GRIP1: variants seen among roughly 807,000 people sequenced by gnomAD.
The protein encoded by GRIP1 is glutamate receptor interacting protein 1, also known as glutamate receptor-interacting protein 1.
Under a neutral mutation model 129.9 loss-of-function variants are expected in GRIP1, and 45 were observed. The observed-to-expected ratio is 0.35, with a 90% confidence interval of 0.27 to 0.44. GRIP1 has a LOEUF of 0.44. Ranked by LOEUF, GRIP1 falls within the 20% of genes least tolerant of loss-of-function variation. The pLI is 1.00. For missense variants in GRIP1, 1,196 were observed against 1,396.8 expected (o/e 0.86, Z 2.29); for synonymous variants, 530 against 520.8 (o/e 1.02, Z -0.24).
At chr12:66,691,599 C>T (rs1459241640) in intron 1 of GRIP1, among the ~76,000 whole-genome samples, 1 of 152,156 alleles carries the variant, frequency 6.6e-6, no homozygotes. Context: ...ATGCCCTTGT[C>T]CACTCATTCT....
At chr12:67,040,225 C>T (rs539793903) in intron 1 of GRIP1, among the ~76,000 whole-genome samples, 1 of 129,482 alleles carries the variant, frequency 7.7e-6, no homozygotes, top group Non-Finnish European at 1.8e-5. Flanking sequence ...CCCCACCCCC[C>T]CAGCAAAGTG....
intron 1 of GRIP1, among the ~76,000 whole-genome samples, chr12:66,672,911 GT>G (rs1222516896): frequency 4.6e-5 from 7 of 152,178 alleles, no homozygotes; most frequent in African/African-American, 1.7e-4. Flanking sequence ...GGGAAATTCA[GT>G]TTTTTTGTTT....
chr12:66,703,074 A>C (rs2035405431), intron 1 of GRIP1, among the ~76,000 whole-genome samples: 1 of 152,138 alleles, frequency 6.6e-6, no homozygotes, highest in Admixed American at 6.6e-5. Context: ...ACATTGCTTG[A>C]AGCACAGAGA....
rs1480508283 is a variant in GRIP1 at position 66,348,346 on chromosome 12, AAAAC to A, written c.*669_*672del. On this transcript the variant is annotated 3_prime_UTR_variant, in exon 25 of 25. Coordinates refer to ENST00000359742, the MANE Select transcript of GRIP1 (RefSeq NM_001366722.1). ...CTATTAAAAATGTGTCCTTAAAAAA[AAAAC>A]AGGTCACAAGACATATCCTGTTTGA... 1 of 151,916 alleles carries A rather than the reference AAAAC, an allele frequency of 6.6e-6. No individual in the cohort carries two copies. Among genetic ancestry groups the A allele is most frequent in the Non-Finnish European group, 1.5e-5 (1 of 68,078 alleles). The allele number at this position is 151,916 out of a possible 1,614,324, so 9.4% of individuals were successfully genotyped here.
intron 1 of GRIP1, among the ~76,000 whole-genome samples, chr12:66,613,051 T>C (rs34512292): frequency 0.046 from 6,978 of 152,232 alleles, 318 homozygotes; most frequent in African/African-American, 0.12. Context: ...CTTAAAAGCA[T>C]AGTTAAATAA....
At chr12:66,883,642 G>A (rs1394490747) in intron 1 of GRIP1, among the ~76,000 whole-genome samples, 2 of 152,172 alleles carry the variant, frequency 1.3e-5, no homozygotes, top group African/African-American at 4.8e-5. Context: ...CCTTGAGAGG[G>A]TTTATAGTTA....
At chr12:66,531,253 ATATATATATATATATATAT>A (rs2061448185) in intron 4 of GRIP1, among the ~76,000 whole-genome samples, 2 of 17,386 alleles carry the variant, frequency 1.2e-4, no homozygotes, top group Admixed American at 9.5e-4. Context: ...AAAAAAAAAA[ATATATATATATATATATAT>A]ATATATATAT....
intron 1 of GRIP1, among the ~76,000 whole-genome samples, chr12:66,657,928 A>G (rs1396608341): frequency 6.6e-6 from 1 of 152,254 alleles, no homozygotes; most frequent in East Asian, 1.9e-4. Context: ...TCAAGAATTT[A>G]ACTTAAATTT....
chr12:66,863,630 C>T (rs1377652175), intron 1 of GRIP1, among the ~76,000 whole-genome samples: 1 of 151,926 alleles, frequency 6.6e-6, no homozygotes, highest in Non-Finnish European at 1.5e-5. Flanking sequence ...CAAGGAATAA[C>T]TAAAAGGCCA....
chr12:67,056,215 G>T (rs999572612), intron 1 of GRIP1, among the ~76,000 whole-genome samples: 2 of 152,128 alleles, frequency 1.3e-5, no homozygotes, highest in African/African-American at 4.8e-5. Context: ...TAAATTCCAT[G>T]GTCATGAATT....
chr12:66,361,679 T>TG (rs141954116), intron 23 of GRIP1, among the ~76,000 whole-genome samples: 2,061 of 152,336 alleles, frequency 0.014, 110 homozygotes, highest in Admixed American at 0.091. Flanking sequence ...GAGTCCCTGT[T>TG]GCGGGTGTCT....
chr12:66,682,199 T>G (rs1001939998), upstream of GRIP1, among the ~76,000 whole-genome samples: 1 of 152,180 alleles, frequency 6.6e-6, no homozygotes, highest in Non-Finnish European at 1.5e-5. Flanking sequence ...TGCAGTTATC[T>G]TTTGACAGAG....
chr12:66,819,294 A>C (rs1421504803), intron 1 of GRIP1, among the ~76,000 whole-genome samples: 1 of 152,218 alleles, frequency 6.6e-6, no homozygotes, highest in African/African-American at 2.4e-5. Flanking sequence ...TTTTAAAATC[A>C]ACTAGAGCAA....
At chr12:66,974,152 G>C (rs2042118774) in intron 1 of GRIP1, among the ~76,000 whole-genome samples, 1 of 151,934 alleles carries the variant, frequency 6.6e-6, no homozygotes, top group Non-Finnish European at 1.5e-5. Flanking sequence ...TTGAACTCCT[G>C]ACCTCAGGTG....
At chr12:66,949,283 T>C (rs750522856) in intron 1 of GRIP1, among the ~76,000 whole-genome samples, 2 of 152,202 alleles carry the variant, frequency 1.3e-5, no homozygotes, top group African/African-American at 4.8e-5. Context: ...TTAACCTAGT[T>C]GCACCTGATT....
chr12:66,507,128 G>C (rs1271664865), intron 7 of GRIP1, among the ~76,000 whole-genome samples: 1 of 152,144 alleles, frequency 6.6e-6, no homozygotes. Flanking sequence ...AGCTCATTGA[G>C]ATCACCTGTA....
intron 1 of GRIP1, among the ~76,000 whole-genome samples, chr12:66,976,243 C>T: frequency 6.6e-6 from 1 of 152,186 alleles, no homozygotes; most frequent in East Asian, 1.9e-4. Flanking sequence ...CTCAATTTGG[C>T]CAATTTGATA....
chr12:66,817,200 A>ATG (rs2039235001), intron 1 of GRIP1, among the ~76,000 whole-genome samples: 1 of 113,134 alleles, frequency 8.8e-6, no homozygotes, highest in African/African-American at 4.0e-5. Context: ...AATTTTCAGT[A>ATG]TGCACACACA....
At chr12:66,841,746 G>C (rs916990867) in intron 1 of GRIP1, among the ~76,000 whole-genome samples, 2 of 152,126 alleles carry the variant, frequency 1.3e-5, no homozygotes, top group African/African-American at 4.8e-5. Context: ...AAATTGAGGA[G>C]CCATACCTAG....
Sources: gnomAD v4.1 joint callset for allele counts (sites outside exome capture counted in the v4.1 genomes callset) on GRCh38, gnomAD v4.1.1 for gene constraint, MANE v1.5 for transcripts, NCBI Gene and HGNC (gene_info 2026-07-23, HGNC 2026-07-21) for gene names.